DNAH1: variants seen among roughly 807,000 people sequenced by gnomAD.
The protein encoded by DNAH1 is dynein axonemal heavy chain 1.
In DNAH1, 327 loss-of-function variants were observed where a neutral mutation model predicts 484.3. The ratio of observed to expected loss-of-function variants is 0.68; its 90% confidence interval spans 0.62 to 0.74. The LOEUF (loss-of-function observed/expected upper bound fraction) is 0.74. Among genes scored for constraint, DNAH1 ranks in the 30% least tolerant of loss-of-function variants. The probability of loss-of-function intolerance (pLI) is 0.00; values close to 1 mark genes in which losing one functional copy is unlikely to be tolerated. For synonymous variants in DNAH1, 2,192 were observed against 2,191.9 expected (o/e 1.00, Z 0.00); for missense variants, 5,052 against 5,546.8 (o/e 0.91, Z 2.83).
rs369421920 is a variant in DNAH1, at chr3:52,388,613, C to A, written c.9363+4C>A. ...GCGGCTGGGCCGAGCTGGCAAGGTG[C>A]GCACCCTCCTCCTGCAAGGCCTGCA... On this transcript the variant is annotated splice_donor_region_variant and intron_variant, in intron 58 of 77. Coordinates refer to ENST00000420323, the MANE Select transcript of DNAH1 (RefSeq NM_015512.5). 2 of 1,611,892 alleles carry A rather than the reference C, an allele frequency of 1.2e-6. No homozygotes were observed. Among genetic ancestry groups the A allele is most frequent in the Non-Finnish European group, 1.7e-6 (2 of 1,179,464 alleles).
chr3:52,340,605 T>C (rs1453225190), intron 8 of DNAH1, among the ~76,000 whole-genome samples: 2 of 151,912 alleles, frequency 1.3e-5, no homozygotes, highest in Non-Finnish European at 2.9e-5. Context: ...TAGCTAATTT[T>C]TGTATTTTTA....
At chr3:52,326,945 C>T in intron 5 of DNAH1, 54 bp downstream of exon 5, 1 of 1,565,870 alleles carries the variant, frequency 6.4e-7, no homozygotes, top group South Asian at 1.2e-5. Flanking sequence ...TGCAGGACCC[C>T]AGTGGACGCT....
At position 52,372,751 on chromosome 3, in the gene DNAH1, AG is replaced by A. The variant is rs979573909; in HGVS notation, c.6828-142del. On this transcript the variant is annotated intron_variant, in intron 43 of 77. Transcript: ENST00000420323. ...TCCCAGGACACTCAGAACAAGGATG[AG>A]GGTGGGTCAAGGCATCTAGCAATTT... 1.6e-5 allele frequency: 17 copies of A among 1,070,482 alleles called. 1 individual carries two copies. In the Admixed American group the frequency reaches 2.7e-4, roughly 17 times the overall value. 66.3% of individuals were successfully genotyped at this position (1,070,482 alleles called of 1,614,324 possible). A position where few individuals can be genotyped will look rare whatever the true frequency, so the allele number is the denominator to read the frequency against.
chr3:52,396,689 T>A lies in DNAH1; in HGVS notation c.11502T>A (p.Phe3834Leu). Reference protein sequence around the residue: ...FHGNALERRKFGPLGFNIPYE... With the variant: ...FHGNALERRKLGPLGFNIPYE... ...GGAACGCCCTGGAGCGCCGTAAGTT[T>A]GGGCCCCTGGGCTTCAACATCCCCT... The change falls in exon 72 of 78, where the codon TTT becomes TTA. Residue 3834 changes from phenylalanine to leucine, a missense_variant. By Grantham distance (22) the Phe-to-Leu change is conservative (BLOSUM62 0). This residue lies in a region of DNAH1 where 853 missense variants were observed against 899.0 expected (regional missense o/e 0.95). Coordinates refer to ENST00000420323, the MANE Select transcript of DNAH1 (RefSeq NM_015512.5). The A allele has an allele frequency of 2.5e-6, 4 of 1,613,728 alleles. No individual in the cohort carries two copies. Among genetic ancestry groups the A allele is most frequent in the Non-Finnish European group, 3.4e-6 (4 of 1,179,870 alleles).
Position 52,327,986 on chromosome 3 carries a change from C to G in DNAH1, c.843C>G (p.Leu281=). 6.2e-7 allele frequency: 1 copy of G among 1,613,964 alleles called. No homozygotes were observed. The highest frequency in any genetic ancestry group is 1.1e-5 in the South Asian group (1 of 91,088). The change falls in exon 6 of 78, where the codon CTC becomes CTG. Residue 281 remains leucine (L), a synonymous_variant. Transcript: ENST00000420323. ...LDRKPVPGKA[L]LPTDDFLGHE... ...GGAAACCTGTCCCGGGAAAAGCCCT[C>G]TTGCCCACTGATGACTTCCTGGGGC...
rs572162496 is a variant in DNAH1 at position 52,326,113 on chromosome 3, A to AGCCCCT, written c.407-18_407-13dup. On this transcript the variant is annotated intron_variant, in intron 3 of 77. Coordinates refer to ENST00000420323, the MANE Select transcript of DNAH1 (RefSeq NM_015512.5). Reference sequence around the variant, plus strand: ...TTTTGGGTGCTGGCCTGAGCCCTGAAGCCCCTGCCCCTGCTTCTACCTGCA... The same window carrying AGCCCCT: ...TTTTGGGTGCTGGCCTGAGCCCTGAAGCCCCTGCCCCTGCCCCTGCTTCTACCTGCA... The AGCCCCT allele has an allele frequency of 3.7e-5, 57 of 1,536,440 alleles. No homozygotes were observed. The East Asian group carries it at 1.3e-3, about 35-fold the overall frequency.
intron 7 of DNAH1, among the ~76,000 whole-genome samples, chr3:52,331,572 G>A (rs1701551884): frequency 1.3e-5 from 2 of 151,968 alleles, no homozygotes; most frequent in African/African-American, 4.8e-5. Flanking sequence ...TCAAGGGATG[G>A]GCACTTGAAC....
At chr3:52,330,477 G>C (rs1355465312) in intron 6 of DNAH1, among the ~76,000 whole-genome samples, 1 of 152,258 alleles carries the variant, frequency 6.6e-6, no homozygotes, top group Non-Finnish European at 1.5e-5. Context: ...AGTGTTCCAA[G>C]CCGAGGGCAC....
At position 52,396,892 on chromosome 3, in the gene DNAH1, A is replaced by G; in HGVS notation, c.11635A>G (p.Ile3879Val). ...YKVLKYTAGE[I>V]NYGGRVTDDW... The stretch of plus-strand genomic sequence containing the variant: ...GGTCCTCAAGTACACGGCAGGGGAG[A>G]TCAATTACGGGGGCCGTGTCACTGA... The change falls in exon 73 of 78, where the codon ATC (isoleucine) becomes GTC (valine). Residue 3879 changes from isoleucine to valine, a missense_variant. Physicochemically the swap from Ile to Val is conservative, Grantham distance 29. Around this residue, in one of 4 missense-constraint regions of DNAH1, gnomAD observed 853 missense variants for 899.0 expected, o/e 0.95. Transcript: ENST00000420323. The G allele has an allele frequency of 6.3e-7, 1 of 1,594,962 alleles. No individual in the cohort carries two copies.
intron 65 of DNAH1, 103 bp from the exon 66 acceptor site, chr3:52,393,231 G>C: frequency 6.4e-7 from 1 of 1,559,196 alleles, no homozygotes; most frequent in East Asian, 2.3e-5. Flanking sequence ...GGAGGCCCAG[G>C]CTGCCCCTAC....
intron 3 of DNAH1, among the ~76,000 whole-genome samples, chr3:52,325,332 C>A (rs1215198534): frequency 6.6e-6 from 1 of 152,160 alleles, no homozygotes; most frequent in East Asian, 1.9e-4. Flanking sequence ...GTCACCAGGG[C>A]CCCTGGGACT....
intron 27 of DNAH1, 51 bp from the exon 28 acceptor site, chr3:52,360,260 C>A (rs1702799016): frequency 5.8e-6 from 9 of 1,547,976 alleles, no homozygotes; most frequent in Non-Finnish European, 8.0e-6. Context: ...ATATACCCTG[C>A]CCAGTGGCCC....
In DNAH1 at chr3:52,381,618, C is replaced by T. The variant is rs1321404350; in HGVS notation, c.7609-22C>T. The T allele has an allele frequency of 6.3e-7, 1 of 1,580,318 alleles. No homozygotes were observed. Among genetic ancestry groups the T allele is most frequent in the East Asian group, 2.3e-5 (1 of 43,334 alleles). Reference sequence around the variant, plus strand: ...TACAGTAAGAGAGACCCCGCCTTCCCCATCCTCGCCTTGGTGCACAGATGA... The same window carrying T: ...TACAGTAAGAGAGACCCCGCCTTCCTCATCCTCGCCTTGGTGCACAGATGA... On this transcript the variant is annotated intron_variant, in intron 48 of 77. Coordinates refer to ENST00000420323, the MANE Select transcript of DNAH1 (RefSeq NM_015512.5). This position sits in a 1 kb window ranked among gnomAD's most constrained non-coding sequence, Gnocchi z 4.1.
intron 14 of DNAH1, 139 bp downstream of exon 14, chr3:52,349,559 G>A (rs1297158493): frequency 1.2e-6 from 1 of 824,388 alleles, no homozygotes; most frequent in African/African-American, 1.7e-5. Context: ...GGAAGGAGCT[G>A]GAAATCACCC....
In DNAH1 at chr3:52,379,852, A is replaced by T; in HGVS notation, c.7378-53A>T. 6.7e-7 allele frequency: 1 copy of T among 1,489,556 alleles called. No individual in the cohort carries two copies. Among genetic ancestry groups the T allele is most frequent in the Non-Finnish European group, 9.1e-7 (1 of 1,101,366 alleles). The allele number at this position is 1,489,556 out of a possible 1,614,324, so 92.3% of individuals were successfully genotyped here. On this transcript the variant is annotated intron_variant, in intron 47 of 77. Transcript: ENST00000420323. The surrounding 1 kb of genome is among the most constrained non-coding windows in gnomAD (Gnocchi z 4.4). ...CCTCCCTTGCCTGGTGGTTTGAGAG[A>T]TAGCTGAGGGCTTGGGGGCCAAGGA...
intron 11 of DNAH1, 57 bp from the exon 12 acceptor site, chr3:52,347,767 C>T (rs1234112987): frequency 6.7e-7 from 1 of 1,487,200 alleles, no homozygotes; most frequent in Non-Finnish European, 9.0e-7. Context: ...CAGAGGGCTG[C>T]TCCTGCACAC....
rs1222713589 is a variant in DNAH1, at chr3:52,380,007, A to G, written c.7480A>G (p.Lys2494Glu). 2 of 1,593,366 alleles carry G rather than the reference A, an allele frequency of 1.3e-6. No individual in the cohort carries two copies. The highest frequency in any genetic ancestry group is 1.7e-6 in the Non-Finnish European group (2 of 1,170,186). The change falls in exon 48 of 78, where the codon AAG becomes GAG. Residue 2494 changes from lysine (K) to glutamate (E), a missense_variant. Physicochemically the swap from Lys to Glu is moderately conservative, Grantham distance 56. This residue lies in a region of DNAH1 where 2,929 missense variants were observed against 3,409.4 expected (regional missense o/e 0.86). Transcript: ENST00000420323. ...CCGCAGCTGGTTCGACCAGCTCCTC[A>G]AGCGCTGCATGGAGCAGTGGGAGGT... is the stretch of plus-strand genomic sequence containing the variant. ...EDRSWFDQLL[K>E]RCMEQWEVTF...
In DNAH1 at chr3:52,332,221, C is replaced by T. The variant is rs367809843; in HGVS notation, c.1113C>T (p.Phe371=). Residue 371 remains phenylalanine (F), a synonymous_variant, in exon 8 of 78, where the codon TTC becomes TTT. Transcript: ENST00000420323. ...TCTGCGCTGAGGACCCTTGCATGTT[C>T]GCACAACGTGTGGTCCAGGCCAACG... ...LLFCAEDPCM[F]AQRVVQANAL... 4.6e-5 allele frequency: 74 copies of T among 1,612,792 alleles called. No individual in the cohort carries two copies. The highest frequency in any genetic ancestry group is 1.6e-4 in the Middle Eastern group (1 of 6,084).
chr3:52,347,706 G>T (rs1285074800), intron 11 of DNAH1, 118 bp from the exon 12 acceptor site: 15 of 1,239,068 alleles, frequency 1.2e-5, no homozygotes, highest in Non-Finnish European at 1.6e-5. Context: ...GAAGGAGAAG[G>T]CAAGTATTGT....
Sources: gnomAD v4.1 joint callset for allele counts (sites outside exome capture counted in the v4.1 genomes callset) on GRCh38, gnomAD v4.1.1 for gene constraint, gnomAD v4.1.1 regional missense constraint, Gnocchi (gnomAD v3.1) non-coding constraint, MANE v1.5 for transcripts, NCBI Gene and HGNC (gene_info 2026-07-23, HGNC 2026-07-21) for gene names.